Variants in COQ8B observed in about 807,000 individuals in gnomAD.
The protein encoded by COQ8B is coenzyme Q8B, also known as atypical kinase COQ8B, mitochondrial.
COQ8B carries 44 observed loss-of-function variants against 62.0 expected under a neutral mutation model. The ratio of observed to expected loss-of-function variants is 0.71; its 90% CI spans 0.56 to 0.91. The LOEUF is 0.91. Among genes scored for constraint, COQ8B ranks in the 40% least tolerant of loss-of-function variants. The pLI, the probability that COQ8B is intolerant of heterozygous loss-of-function variation, is 0.00. For synonymous variants in COQ8B, 252 were observed against 289.9 expected, an observed-to-expected ratio of 0.87 and a Z score of 1.33; for missense variants, 649 against 731.6, an observed-to-expected ratio of 0.89 and a Z score of 1.30.
chr19:40,700,340 G>A lies in COQ8B; in HGVS notation c.1005C>T (p.Cys335=), dbSNP rs751450938. ...ELAGGVPLDQ[C]QGLSQDLRNQ... ...TCCGCAGGTCCTGGCTTAGGCCCTG[G>A]CACTGGTCCAGGGGGACCCCTCCAG... The change falls in exon 11 of 15, where the codon TGC becomes TGT. Residue 335 remains cysteine, a synonymous_variant. Coordinates refer to ENST00000324464, the MANE Select transcript of COQ8B (RefSeq NM_024876.4). The A allele has an allele frequency of 1.2e-6, 2 of 1,614,164 alleles. No individual in the cohort carries two copies. The highest frequency in any genetic ancestry group is 4.5e-5 in the East Asian group (2 of 44,886).
chr19:40,697,876 A>AGAGAGAGAGAGAGAGAGAGT (rs1316282364), intron 12 of COQ8B, among the ~76,000 whole-genome samples: 3 of 71,200 alleles, frequency 4.2e-5, no homozygotes, highest in Non-Finnish European at 9.8e-5. Context: ...AGAGAGAGAG[A>AGAGAGAGAGAGAGAGAGAGT]GTTTCTACTG....
intron 1 of COQ8B, chr19:40,714,918 C>A: frequency 8.2e-7 from 1 of 1,213,336 alleles, no homozygotes; most frequent in Non-Finnish European, 1.0e-6. Context: ...GCTACCTCTC[C>A]ACTTCTCTGA....
intron 4 of COQ8B, 117 bp downstream of exon 4, chr19:40,713,946 GTCTC>G (rs946789854): frequency 5.5e-6 from 6 of 1,089,372 alleles, no homozygotes; most frequent in Middle Eastern, 4.1e-4. Flanking sequence ...CCTTGCCTTT[GTCTC>G]TCTTTTTTTG....
rs775587771 is a variant in COQ8B at position 40,691,799 on chromosome 19, G to A, written c.*236C>T. 3 of 417,592 alleles carry A rather than the reference G, an allele frequency of 7.2e-6. No homozygotes were observed. Among genetic ancestry groups the A allele is most frequent in the East Asian group, 3.5e-5 (1 of 28,264 alleles). The allele number at this position is 417,592 out of a possible 1,614,324, so 25.9% of individuals were successfully genotyped here. On this transcript the variant is annotated 3_prime_UTR_variant, in exon 15 of 15. Coordinates refer to ENST00000324464, the MANE Select transcript of COQ8B (RefSeq NM_024876.4). ...AAATGTTGGCAAAGATAAGTTAACCGCTTCCCTGGCTTAGTTTTCGGATAC... is the reference window on the plus strand; with the variant it reads ...AAATGTTGGCAAAGATAAGTTAACCACTTCCCTGGCTTAGTTTTCGGATAC...
At chr19:40,699,969 T>C (rs1236179234) in intron 12 of COQ8B, 98 bp downstream of exon 12, 2 of 1,140,806 alleles carry the variant, frequency 1.8e-6, no homozygotes, top group Non-Finnish European at 2.6e-6. Context: ...CTGCCTATTG[T>C]GGGGGTAATC....
At chr19:40,710,730 T>C (rs558099721) in intron 4 of COQ8B, among the ~76,000 whole-genome samples, 1 of 152,302 alleles carries the variant, frequency 6.6e-6, no homozygotes, top group East Asian at 1.9e-4. Flanking sequence ...CCGGTAAATA[T>C]AATGCCCAGA....
At chr19:40,704,465 A>T (rs117969352) in intron 7 of COQ8B, 3,583 of 153,408 alleles carry the variant, frequency 0.023, 53 homozygotes, top group Non-Finnish European at 0.034. Flanking sequence ...ATCCTTTATT[A>T]TGCTCTTATA....
chr19:40,700,003 GAAATA>G (rs2082048821), intron 12 of COQ8B, 59 bp downstream of exon 12: 5 of 1,486,692 alleles, frequency 3.4e-6, no homozygotes, highest in Non-Finnish European at 2.8e-6. Flanking sequence ...TTGAGCTACC[GAAATA>G]TCAAGGAATA....
In COQ8B at chr19:40,715,258, G is replaced by A. The variant is rs189272227; in HGVS notation, c.-3-623C>T. On this transcript the variant is annotated intron_variant, in intron 1 of 14. Transcript: ENST00000324464. ...CCTGGAATTAAGGTGGGCATCGGGG[G>A]CCCATCTGGGGGGATTGCTGAGGCA... The A allele has an allele frequency of 6.1e-6, 6 of 986,008 alleles. No individual in the cohort carries two copies. In the African/African-American group the frequency reaches 8.7e-5, roughly 14 times the overall value. The allele number at this position is 986,008 out of a possible 1,614,324, so 61.1% of individuals were successfully genotyped here.
chr19:40,695,191 G>A (rs1390681727), intron 13 of COQ8B, among the ~76,000 whole-genome samples: 1 of 152,024 alleles, frequency 6.6e-6, no homozygotes, highest in Non-Finnish European at 1.5e-5. Flanking sequence ...GGTGGCACAT[G>A]CCTGTAATCC....
chr19:40,699,439 T>C (rs917719613), intron 12 of COQ8B, among the ~76,000 whole-genome samples: 1 of 151,876 alleles, frequency 6.6e-6, no homozygotes, highest in African/African-American at 2.4e-5. Context: ...CTCCTCATTG[T>C]GGTTGGTACG....
intron 5 of COQ8B, 74 bp from the exon 6 acceptor site, chr19:40,705,521 G>A: frequency 2.1e-6 from 3 of 1,452,384 alleles, no homozygotes; most frequent in African/African-American, 1.4e-5. Flanking sequence ...GCCCACGCCT[G>A]TAATCCCAGC....
At chr19:40,699,158 C>T (rs1430111247) in intron 12 of COQ8B, among the ~76,000 whole-genome samples, 3 of 151,404 alleles carry the variant, frequency 2.0e-5, no homozygotes, top group Admixed American at 6.6e-5. Flanking sequence ...GACAGAGTCT[C>T]GCCCTGTCAC....
chr19:40,695,945 G>C (rs767763269), intron 13 of COQ8B, 44 bp downstream of exon 13: 2 of 1,592,314 alleles, frequency 1.3e-6, no homozygotes, highest in South Asian at 2.2e-5. Context: ...TATATGGCTT[G>C]AGCCTCAGCC....
At chr19:40,710,934 C>A (rs1264782000) in intron 4 of COQ8B, among the ~76,000 whole-genome samples, 2 of 152,112 alleles carry the variant, frequency 1.3e-5, no homozygotes, top group East Asian at 3.9e-4. Flanking sequence ...GAGGTCGAGA[C>A]CAGCCTGGCC....
At chr19:40,696,619 T>G (rs2082016949) in intron 12 of COQ8B, among the ~76,000 whole-genome samples, 1 of 149,912 alleles carries the variant, frequency 6.7e-6, no homozygotes, top group Non-Finnish European at 1.5e-5. Flanking sequence ...GAGCCGAGAT[T>G]GTGCTATTGT....
chr19:40,692,249 A>C lies in COQ8B; in HGVS notation c.1421T>G (p.Leu474Arg). 1 of 1,612,734 alleles carries C rather than the reference A, an allele frequency of 6.2e-7. No individual in the cohort carries two copies. The highest frequency in any genetic ancestry group is 8.5e-7 in the Non-Finnish European group (1 of 1,179,390). ...GGGTGGGGGACACAGCCGGTGCCGCAGCAGCACCGGGATGAGGTCCTGTAT... is the reference window on the plus strand; with the variant it reads ...GGGTGGGGGACACAGCCGGTGCCGCCGCAGCACCGGGATGAGGTCCTGTAT... ...RRIQDLIPVL[L>R]RHRLCPPPEE... The change falls in exon 15 of 15, where the codon CTG (leucine) becomes CGG (arginine). Residue 474 changes from leucine (L) to arginine (R), a missense_variant. Physicochemically the swap from Leu to Arg is moderately radical, Grantham distance 102. Coordinates refer to ENST00000324464, the MANE Select transcript of COQ8B (RefSeq NM_024876.4).
rs376750623 is a variant in COQ8B, at chr19:40,714,584, C to T, written c.49G>A (p.Gly17Ser). The T allele has an allele frequency of 2.8e-5, 45 of 1,613,100 alleles. No homozygotes were observed. Among genetic ancestry groups the T allele is most frequent in the Non-Finnish European group, 3.6e-5 (43 of 1,179,728 alleles). Reference sequence around the variant, plus strand: ...CCACAAGGCCAACCAACAGTCTGGCCCAGCTGTCCACCGGTCCCCCGAAGT... The same window carrying T: ...CCACAAGGCCAACCAACAGTCTGGCTCAGCTGTCCACCGGTCCCCCGAAGT... ...GLLRGTGGQL[G>S]QTVGWPCGAL... Residue 17 changes from glycine (G) to serine (S), a missense_variant, in exon 2 of 15, where the codon GGC becomes AGC. Transcript: ENST00000324464.
chr19:40,705,445 C>A lies in COQ8B; in HGVS notation c.370G>T (p.Gly124Cys). The A allele has an allele frequency of 6.4e-7, 1 of 1,558,344 alleles. No homozygotes were observed. Among genetic ancestry groups the A allele is most frequent in the Non-Finnish European group, 8.7e-7 (1 of 1,148,438 alleles). The part of the protein sequence containing the change: ...SMPGGRLQSE[G>C]GSGLDSSPFL... ...GGGCTGGAGTCCAGCCCAGAACCAC[C>A]CTCTGGGGAGAGAACAACCATTAGA... The change falls in exon 6 of 15, where the codon GGT (glycine) becomes TGT (cysteine). Residue 124 changes from glycine to cysteine, a missense_variant and splice_region_variant. Physicochemically the swap from Gly to Cys is radical, Grantham distance 159. Coordinates refer to ENST00000324464, the MANE Select transcript of COQ8B (RefSeq NM_024876.4).
Sources: allele counts gnomAD v4.1 joint callset (sites outside exome capture counted in the v4.1 genomes callset), GRCh38; gene constraint gnomAD v4.1.1; transcripts MANE v1.5; gene names NCBI Gene and HGNC (gene_info 2026-07-23, HGNC 2026-07-21).